ABTB3: variants seen among roughly 807,000 people sequenced by gnomAD.
The protein encoded by ABTB3 is ankyrin repeat and BTB domain containing 3.
chr12:107,499,469 A>G, the ABTB3 span, among the ~76,000 whole-genome samples: 1 of 152,044 alleles, frequency 6.6e-6, no homozygotes, highest in Non-Finnish European at 1.5e-5. Flanking sequence ...AAGGCTCTCT[A>G]ATAAATTAAC....
At chr12:107,506,975 T>C in the ABTB3 span, among the ~76,000 whole-genome samples, 1 of 152,206 alleles carries the variant, frequency 6.6e-6, no homozygotes. Context: ...TCTTTCTTAT[T>C]ATTGAAGTTT....
chr12:107,352,638 A>T, the ABTB3 span, among the ~76,000 whole-genome samples: 93 of 152,230 alleles, frequency 6.1e-4, no homozygotes, highest in East Asian at 0.015. Flanking sequence ...CCTTTTTCTA[A>T]TTCTTATCAG....
At chr12:107,321,655 A>T in the ABTB3 span, among the ~76,000 whole-genome samples, 1 of 151,986 alleles carries the variant, frequency 6.6e-6, no homozygotes, top group Non-Finnish European at 1.5e-5. Flanking sequence ...ACTAAGATGG[A>T]AACATCTGGG....
the ABTB3 span, among the ~76,000 whole-genome samples, chr12:107,625,502 T>G: frequency 0.017 from 2,648 of 152,188 alleles, 75 homozygotes; most frequent in African/African-American, 0.06. Context: ...GTCAGGTGTA[T>G]GTAGAAATCC....
the ABTB3 span, among the ~76,000 whole-genome samples, chr12:107,417,390 T>C: frequency 1.3e-5 from 2 of 152,222 alleles, no homozygotes; most frequent in African/African-American, 2.4e-5. Flanking sequence ...TCTCTCTCTC[T>C]GTTTCTCATC....
the ABTB3 span, among the ~76,000 whole-genome samples, chr12:107,542,283 G>C: frequency 1.4e-5 from 2 of 140,852 alleles, no homozygotes; most frequent in Non-Finnish European, 3.0e-5. Flanking sequence ...CTGCACTCCA[G>C]TCTAGGCAAC....
At chr12:107,379,365 A>G in the ABTB3 span, among the ~76,000 whole-genome samples, 13 of 152,150 alleles carry the variant, frequency 8.5e-5, no homozygotes, top group Admixed American at 7.9e-4. Context: ...TAATTGAATC[A>G]TGGGGGTGGG....
At chr12:107,627,366 C>T in the ABTB3 span, among the ~76,000 whole-genome samples, 2 of 152,342 alleles carry the variant, frequency 1.3e-5, no homozygotes, top group African/African-American at 4.8e-5. Context: ...AAAATGACCA[C>T]TGTGTGCCAG....
At chr12:107,503,772 A>AG in the ABTB3 span, among the ~76,000 whole-genome samples, 16 of 148,182 alleles carry the variant, frequency 1.1e-4, no homozygotes, top group East Asian at 7.8e-4. Flanking sequence ...AAAAAAAAAA[A>AG]AAGAAGAAGA....
chr12:107,552,168 G>A, the ABTB3 span, among the ~76,000 whole-genome samples: 1 of 152,228 alleles, frequency 6.6e-6, no homozygotes. Flanking sequence ...CATACCTGAA[G>A]TTGGAGAAGG....
the ABTB3 span, among the ~76,000 whole-genome samples, chr12:107,490,255 T>C: frequency 6.6e-6 from 1 of 152,154 alleles, no homozygotes; most frequent in Non-Finnish European, 1.5e-5. Context: ...CACTTGCACA[T>C]AGTCCTGGTC....
chr12:107,636,289 G>C, the ABTB3 span, among the ~76,000 whole-genome samples: 14 of 152,048 alleles, frequency 9.2e-5, no homozygotes, highest in Non-Finnish European at 1.5e-4. Flanking sequence ...AGGAATATTA[G>C]GCTGCTTTGA....
At chr12:107,345,519 G>T in the ABTB3 span, among the ~76,000 whole-genome samples, 1 of 152,154 alleles carries the variant, frequency 6.6e-6, no homozygotes, top group Non-Finnish European at 1.5e-5. Flanking sequence ...GGGATTATTG[G>T]TTCATGTACA....
the ABTB3 span, among the ~76,000 whole-genome samples, chr12:107,537,144 T>C: frequency 6.6e-6 from 1 of 151,140 alleles, no homozygotes; most frequent in Non-Finnish European, 1.5e-5. Flanking sequence ...AAATACCACA[T>C]GATCTTCTTT....
chr12:107,321,319 G>A, the ABTB3 span, among the ~76,000 whole-genome samples: 1 of 152,226 alleles, frequency 6.6e-6, no homozygotes, highest in African/African-American at 2.4e-5. Flanking sequence ...GCGTCTGTGC[G>A]TGTGTAAGTG....
At chr12:107,423,669 G>T in the ABTB3 span, among the ~76,000 whole-genome samples, 48 of 152,254 alleles carry the variant, frequency 3.2e-4, no homozygotes, top group African/African-American at 1.1e-3. Context: ...TGGACATCAG[G>T]CTTTCTGCTA....
chr12:107,529,877 A>G, the ABTB3 span, among the ~76,000 whole-genome samples: 1 of 152,204 alleles, frequency 6.6e-6, no homozygotes, highest in Admixed American at 6.5e-5. Flanking sequence ...TTTGAAACTC[A>G]GTAGGGAAAG....
the ABTB3 span, among the ~76,000 whole-genome samples, chr12:107,441,774 CAAAA>C: frequency 5.0e-5 from 4 of 80,048 alleles, no homozygotes; most frequent in Non-Finnish European, 9.5e-5. Flanking sequence ...CTTGTCTCTA[CAAAA>C]AAAAAAAAAA....
At chr12:107,344,675 G>T in the ABTB3 span, among the ~76,000 whole-genome samples, 1 of 152,196 alleles carries the variant, frequency 6.6e-6, no homozygotes, top group Non-Finnish European at 1.5e-5. Flanking sequence ...CTCCCACTGA[G>T]GAATGTTCTT....
Sources: allele counts gnomAD v4.1 joint callset (sites outside exome capture counted in the v4.1 genomes callset), GRCh38; gene constraint gnomAD v4.1.1; transcripts MANE v1.5; gene names NCBI Gene and HGNC (gene_info 2026-07-23, HGNC 2026-07-21).